ARHGAP19: variants seen among roughly 807,000 people sequenced by gnomAD.
ARHGAP19 encodes rho GTPase-activating protein 19.
A neutral mutation model predicts 60.9 loss-of-function variants in ARHGAP19; 48 were observed. The observed-to-expected ratio is 0.79, with a 90% CI of 0.62 to 1.00. The LOEUF is 1.00. Ranked by LOEUF, ARHGAP19 falls within the 50% of genes least tolerant of loss-of-function variation. The probability of loss-of-function intolerance (pLI) is 0.00; values close to 1 mark genes in which losing one functional copy is unlikely to be tolerated. For missense variants in ARHGAP19, 562 were observed against 597.2 expected, an observed-to-expected ratio of 0.94 and a Z score of 0.61; for synonymous variants, 209 against 215.5, an observed-to-expected ratio of 0.97 and a Z score of 0.27.
chr10:97,251,448 G>T (rs1476230043), intron 6 of ARHGAP19, among the ~76,000 whole-genome samples: 2 of 33,256 alleles, frequency 6.0e-5, no homozygotes, highest in Non-Finnish European at 6.4e-5. Flanking sequence ...GAGGAGACGG[G>T]GAAGGGGAAG....
intron 6 of ARHGAP19, among the ~76,000 whole-genome samples, chr10:97,255,471 G>A (rs989630111): frequency 6.6e-6 from 1 of 152,150 alleles, no homozygotes; most frequent in Non-Finnish European, 1.5e-5. Context: ...CAGCTACTGG[G>A]GAGGCTGAGG....
intron 6 of ARHGAP19, among the ~76,000 whole-genome samples, chr10:97,253,291 T>C (rs1226803937): frequency 6.6e-6 from 1 of 150,634 alleles, no homozygotes; most frequent in Non-Finnish European, 1.5e-5. Context: ...GGCAGGAGAA[T>C]CGCTTGAACC....
intron 6 of ARHGAP19, among the ~76,000 whole-genome samples, chr10:97,251,209 G>GGGAAGGGGAAT (rs760466309): frequency 0.21 from 1,955 of 9,372 alleles, 470 homozygotes; most frequent in Non-Finnish European, 0.35. Flanking sequence ...GAAAGGGAAG[G>GGGAAGGGGAAT]GGAAGGGGAA....
intron 1 of ARHGAP19, among the ~76,000 whole-genome samples, chr10:97,289,193 C>A (rs1478767041): frequency 4.0e-5 from 6 of 151,416 alleles, no homozygotes; most frequent in Admixed American, 2.6e-4. Context: ...CAGCTCACTG[C>A]AACCTCCACC....
chr10:97,236,803 G>GAAAAAAA (rs71007323), intron 8 of ARHGAP19, among the ~76,000 whole-genome samples: 50 of 80,008 alleles, frequency 6.2e-4, no homozygotes, highest in African/African-American at 2.1e-3. Flanking sequence ...AACAGACTCA[G>GAAAAAAA]AAAAAAAAAA....
chr10:97,292,196 G>T (rs1049447990), intron 1 of ARHGAP19, among the ~76,000 whole-genome samples: 39 of 152,222 alleles, frequency 2.6e-4, no homozygotes, highest in African/African-American at 8.9e-4. Context: ...AACGCACAAA[G>T]TGCCTCGGAG....
At chr10:97,267,603 C>G (rs11189080) in intron 1 of ARHGAP19, among the ~76,000 whole-genome samples, 2 of 152,250 alleles carry the variant, frequency 1.3e-5, no homozygotes, top group Non-Finnish European at 1.5e-5. Flanking sequence ...CACACCTCTG[C>G]CTTGAGGCAT....
rs997441423 is a variant in ARHGAP19 at position 97,262,391 on chromosome 10, G to A, written c.613+1029C>T. ...AAAAAAAATAAATTTCCTTGGCTGG[G>A]CACAGTGGCTCACATCTGTAATCCC... On this transcript the variant is annotated intron_variant, in intron 4 of 11. Coordinates refer to ENST00000358531, the MANE Select transcript of ARHGAP19 (RefSeq NM_032900.6). Among the ~76,000 whole-genome samples the A allele has an allele frequency of 1.1e-3, 175 of 152,204 alleles. 1 individual carries two copies. Among genetic ancestry groups the A allele is most frequent in the African/African-American group, 4.1e-3 (169 of 41,520 alleles).
chr10:97,285,670 C>T (rs973494638), intron 1 of ARHGAP19, among the ~76,000 whole-genome samples: 1 of 151,810 alleles, frequency 6.6e-6, no homozygotes, highest in African/African-American at 2.4e-5. Flanking sequence ...TATAGGCAAC[C>T]GCCACACACC....
chr10:97,292,574 C>G lies in ARHGAP19; in HGVS notation c.54G>C (p.Arg18=). 6.2e-7 allele frequency: 1 copy of G among 1,614,194 alleles called. No individual in the cohort carries two copies. Among genetic ancestry groups the G allele is most frequent in the Non-Finnish European group, 8.5e-7 (1 of 1,180,026 alleles). Residue 18 remains arginine, a splice_region_variant and synonymous_variant, in exon 1 of 12, where the codon CGG becomes CGC. Transcript: ENST00000358531. The part of the protein sequence containing the change: ...EGEVPARESG[R]SDAICSFVIC... ...AAACTGGACCAAACTCAGCTCACCT[C>G]CGGCCGGATTCGCGGGCTGGCACCT...
chr10:97,236,862 G>T (rs888386028), intron 8 of ARHGAP19, among the ~76,000 whole-genome samples: 2 of 147,722 alleles, frequency 1.4e-5, no homozygotes, highest in Non-Finnish European at 3.0e-5. Flanking sequence ...CTGAAAAACT[G>T]AATTAGAATC....
chr10:97,291,235 T>G (rs1369006604), intron 1 of ARHGAP19, among the ~76,000 whole-genome samples: 1 of 152,154 alleles, frequency 6.6e-6, no homozygotes, highest in East Asian at 1.9e-4. Flanking sequence ...GTGTTTTCAC[T>G]CTATTTCACT....
intron 6 of ARHGAP19, among the ~76,000 whole-genome samples, chr10:97,250,225 C>T (rs1842623601): frequency 6.6e-6 from 1 of 152,024 alleles, no homozygotes; most frequent in Non-Finnish European, 1.5e-5. Context: ...AGAGATAAAG[C>T]TAATATGGCA....
At chr10:97,236,723 T>C (rs1842384878) in intron 8 of ARHGAP19, among the ~76,000 whole-genome samples, 1 of 145,720 alleles carries the variant, frequency 6.9e-6, no homozygotes, top group African/African-American at 2.6e-5. Flanking sequence ...GGGAGGATCA[T>C]GATCACCTGA....
intron 1 of ARHGAP19, among the ~76,000 whole-genome samples, chr10:97,274,400 G>T (rs1392283768): frequency 2.0e-5 from 3 of 151,980 alleles, no homozygotes; most frequent in Non-Finnish European, 4.4e-5. Context: ...GGGAGGTGAA[G>T]GTTGCAGTGA....
intron 9 of ARHGAP19, 82 bp from the exon 10 acceptor site, chr10:97,229,956 T>A: frequency 1.0e-6 from 1 of 994,432 alleles, no homozygotes; most frequent in Non-Finnish European, 1.5e-6. Flanking sequence ...AAAACTGTAA[T>A]GTCCTTGGGT....
At chr10:97,292,193 A>T (rs897528481) in intron 1 of ARHGAP19, among the ~76,000 whole-genome samples, 2 of 152,236 alleles carry the variant, frequency 1.3e-5, no homozygotes, top group African/African-American at 4.8e-5. Flanking sequence ...CTGAACGCAC[A>T]AAGTGCCTCG....
chr10:97,236,627 A>G (rs1842383286), intron 8 of ARHGAP19, among the ~76,000 whole-genome samples: 1 of 152,016 alleles, frequency 6.6e-6, no homozygotes. Flanking sequence ...AATGCATATT[A>G]AAAAGTACAT....
At chr10:97,247,410 AC>A (rs1228485556) in intron 6 of ARHGAP19, among the ~76,000 whole-genome samples, 2 of 152,170 alleles carry the variant, frequency 1.3e-5, no homozygotes, top group Admixed American at 6.6e-5. Flanking sequence ...TAATACAACT[AC>A]CATAGAGGAA....
Sources: gnomAD v4.1 joint callset for allele counts (sites outside exome capture counted in the v4.1 genomes callset) on GRCh38, gnomAD v4.1.1 for gene constraint, MANE v1.5 for transcripts, NCBI Gene and HGNC (gene_info 2026-07-23, HGNC 2026-07-21) for gene names.